KCNH7: variants seen among roughly 807,000 people sequenced by gnomAD.
KCNH7 encodes the protein potassium voltage-gated channel subfamily H member 7, also known as voltage-gated inwardly rectifying potassium channel KCNH7.
Under a neutral mutation model 120.8 loss-of-function variants are expected in KCNH7, and 49 were observed. That is an observed-to-expected ratio of 0.41 (90% CI 0.32 to 0.51). The LOEUF is 0.51. Ranked by LOEUF, KCNH7 falls within the 20% of genes least tolerant of loss-of-function variation. KCNH7 has a pLI of 0.38. For missense variants in KCNH7, 1,097 were observed against 1,446.6 expected, an observed-to-expected ratio of 0.76 and a Z score of 3.92; for synonymous variants, 547 against 516.1, an observed-to-expected ratio of 1.06 and a Z score of -0.81.
At chr2:162,398,117 T>C (rs886664767) in intron 10 of KCNH7, among the ~76,000 whole-genome samples, 2 of 151,900 alleles carry the variant, frequency 1.3e-5, no homozygotes, top group African/African-American at 4.8e-5. Flanking sequence ...TACTTGATTA[T>C]GTAACTTCTA....
chr2:162,435,970 C>A (rs1363515360), intron 7 of KCNH7, among the ~76,000 whole-genome samples: 1 of 152,110 alleles, frequency 6.6e-6, no homozygotes. Context: ...AACAAACAGA[C>A]ATGGTTACTT....
intron 2 of KCNH7, among the ~76,000 whole-genome samples, chr2:162,828,731 C>A (rs1450283529): frequency 6.6e-6 from 1 of 152,116 alleles, no homozygotes; most frequent in Non-Finnish European, 1.5e-5. Context: ...CAGGGAACCT[C>A]ACACATTCTG....
At chr2:162,430,547 T>C (rs1688029434) in intron 8 of KCNH7, among the ~76,000 whole-genome samples, 1 of 152,080 alleles carries the variant, frequency 6.6e-6, no homozygotes, top group Non-Finnish European at 1.5e-5. Flanking sequence ...GTCCAGGAAG[T>C]GCCTCCAGGC....
chr2:162,833,947 T>C (rs1685563780), intron 2 of KCNH7, among the ~76,000 whole-genome samples: 1 of 152,138 alleles, frequency 6.6e-6, no homozygotes, highest in South Asian at 2.1e-4. Context: ...TGTGAAATGC[T>C]AAATAAAGAA....
intron 2 of KCNH7, among the ~76,000 whole-genome samples, chr2:162,730,231 T>C (rs1017957761): frequency 2.0e-5 from 3 of 151,372 alleles, no homozygotes; most frequent in African/African-American, 7.3e-5. Context: ...AAAGAATTAA[T>C]AGAATGGAAA....
At chr2:162,470,442 TCTGAGAAGTGAGGAGCCCCTCCGCCC>T (rs1689475542) in intron 6 of KCNH7, among the ~76,000 whole-genome samples, 1 of 143,926 alleles carries the variant, frequency 6.9e-6, no homozygotes, top group Admixed American at 8.9e-5. Flanking sequence ...AGCCGCCCCG[TCTGAGAAGTGAGGAGCCCCTCCGCCC>T]GGCAGCCGCC....
chr2:162,682,023 G>A (rs1685729572), intron 2 of KCNH7, among the ~76,000 whole-genome samples: 1 of 151,256 alleles, frequency 6.6e-6, no homozygotes, highest in Non-Finnish European at 1.5e-5. Flanking sequence ...TTAGAGATTG[G>A]TAAAATGAAT....
chr2:162,601,090 C>T (rs887581647), intron 2 of KCNH7, among the ~76,000 whole-genome samples: 2 of 152,014 alleles, frequency 1.3e-5, no homozygotes, highest in African/African-American at 4.8e-5. Flanking sequence ...TTGTTCATAT[C>T]AATACTCTTG....
At chr2:162,558,090 TAAGG>T (rs1315074129) in intron 2 of KCNH7, among the ~76,000 whole-genome samples, 3 of 152,146 alleles carry the variant, frequency 2.0e-5, no homozygotes, top group Non-Finnish European at 4.4e-5. Flanking sequence ...GTCAGAAAAC[TAAGG>T]AATAAGTCAG....
At chr2:162,658,576 T>A (rs1421384839) in intron 2 of KCNH7, among the ~76,000 whole-genome samples, 1 of 152,162 alleles carries the variant, frequency 6.6e-6, no homozygotes, top group African/African-American at 2.4e-5. Flanking sequence ...GTTTCACAGA[T>A]CAAGTTGGCA....
intron 2 of KCNH7, among the ~76,000 whole-genome samples, chr2:162,702,026 A>C (rs1686523642): frequency 6.6e-6 from 1 of 152,022 alleles, no homozygotes; most frequent in South Asian, 2.1e-4. Context: ...AAAGAAAAAA[A>C]ACTTTCTATG....
rs1011436494 is a variant in KCNH7 at position 162,582,154 on chromosome 2, C to T, written c.308-45074G>A. On this transcript the variant is annotated intron_variant, in intron 2 of 15. Coordinates refer to ENST00000332142, the MANE Select transcript of KCNH7 (RefSeq NM_033272.4). Reference sequence around the variant, plus strand: ...GTGATTCTAAAAGGTCAAGATTACCCCTGCTGGAATAGGATGTAAGACTCC... The same window carrying T: ...GTGATTCTAAAAGGTCAAGATTACCTCTGCTGGAATAGGATGTAAGACTCC... 5.3e-5 allele frequency among the ~76,000 whole-genome samples: 8 copies of T among 152,158 alleles called. No individual in the cohort carries two copies. The South Asian group carries it at 1.7e-3, about 32-fold the overall frequency.
intron 2 of KCNH7, among the ~76,000 whole-genome samples, chr2:162,639,201 A>G (rs1684064353): frequency 6.6e-6 from 1 of 152,140 alleles, no homozygotes. Context: ...ATTCGACACT[A>G]TTTTATCTAA....
In KCNH7 at chr2:162,371,578, A is replaced by G; in HGVS notation, c.*251T>C. 6 of 862,264 alleles carry G rather than the reference A, an allele frequency of 7.0e-6. 1 individual carries two copies. In the South Asian group the frequency reaches 1.4e-4, roughly 20 times the overall value. 53.4% of individuals were successfully genotyped at this position (862,264 alleles called of 1,614,324 possible). A position where few individuals can be genotyped will look rare whatever the true frequency, so the allele number is the denominator to read the frequency against. ...TTCCTAACATGCATGTGATTTAAAA[A>G]ATAAAAATAAAAAATAAGGTGCCGT... is the stretch of plus-strand genomic sequence containing the variant. On this transcript the variant is annotated 3_prime_UTR_variant, in exon 16 of 16. Transcript: ENST00000332142.
At chr2:162,634,166 G>A (rs780856137) in intron 2 of KCNH7, among the ~76,000 whole-genome samples, 1 of 151,942 alleles carries the variant, frequency 6.6e-6, no homozygotes, top group Non-Finnish European at 1.5e-5. Context: ...TTTTCCTTTA[G>A]CAGCAGCAGT....
intron 2 of KCNH7, among the ~76,000 whole-genome samples, chr2:162,589,256 A>C (rs1270158096): frequency 3.9e-5 from 6 of 152,028 alleles, no homozygotes; most frequent in Admixed American, 1.3e-4. Flanking sequence ...AGAAAGGTCT[A>C]GAAAGCTGTC....
At chr2:162,610,295 C>A (rs1404591979) in intron 2 of KCNH7, among the ~76,000 whole-genome samples, 1 of 150,952 alleles carries the variant, frequency 6.6e-6, no homozygotes, top group Admixed American at 6.6e-5. Context: ...ATTTGATGTA[C>A]CACAGTTCCT....
chr2:162,495,539 TA>T (rs1690469155), intron 6 of KCNH7, among the ~76,000 whole-genome samples: 1 of 152,222 alleles, frequency 6.6e-6, no homozygotes, highest in Admixed American at 6.5e-5. Flanking sequence ...TTTATGCAGA[TA>T]ATCAAGCCAA....
At chr2:162,803,698 CA>C (rs1257900154) in intron 2 of KCNH7, among the ~76,000 whole-genome samples, 5 of 151,720 alleles carry the variant, frequency 3.3e-5, no homozygotes, top group Non-Finnish European at 4.4e-5. Context: ...GTGACTGTAG[CA>C]AACAGTTTTT....
Sources: gnomAD v4.1 joint callset for allele counts (sites outside exome capture counted in the v4.1 genomes callset) on GRCh38, gnomAD v4.1.1 for gene constraint, MANE v1.5 for transcripts, NCBI Gene and HGNC (gene_info 2026-07-23, HGNC 2026-07-21) for gene names.